Variants in AK5 observed in about 807,000 individuals in gnomAD.
The protein encoded by AK5 is adenylate kinase 5, also known as adenylate kinase isoenzyme 5.
In AK5, 27 loss-of-function variants were observed where a neutral mutation model predicts 69.5. The observed-to-expected ratio is 0.39, with a 90% CI of 0.29 to 0.54. The LOEUF (loss-of-function observed/expected upper bound fraction) is 0.54. AK5 is among the 20% of genes least tolerant of loss of function. The probability of loss-of-function intolerance (pLI) is 0.71; values close to 1 mark genes in which losing one functional copy is unlikely to be tolerated. For missense variants in AK5, 531 were observed against 700.4 expected, an observed-to-expected ratio of 0.76 and a Z score of 2.73; for synonymous variants, 260 against 244.4, an observed-to-expected ratio of 1.06 and a Z score of -0.60.
intron 5 of AK5, among the ~76,000 whole-genome samples, chr1:77,334,311 G>A (rs1373109334): frequency 6.6e-6 from 1 of 152,064 alleles, no homozygotes; most frequent in African/African-American, 2.4e-5. Context: ...TGAAAATTTA[G>A]CTGTCAGTCT....
intron 8 of AK5, among the ~76,000 whole-genome samples, chr1:77,451,561 G>A (rs922325601): frequency 5.3e-5 from 8 of 152,132 alleles, no homozygotes; most frequent in African/African-American, 1.9e-4. Flanking sequence ...AGTAAATAAG[G>A]ACCAAAGCGT....
intron 6 of AK5, among the ~76,000 whole-genome samples, chr1:77,351,530 C>G (rs1662199740): frequency 6.6e-6 from 1 of 152,212 alleles, no homozygotes; most frequent in Non-Finnish European, 1.5e-5. Context: ...ACCCAGGCCC[C>G]TTCTGTCTTT....
rs1284725850 is a variant in AK5, at chr1:77,367,489, TTTTG to T, written c.891+26929_891+26932del. 2.1e-4 allele frequency among the ~76,000 whole-genome samples: 30 copies of T among 140,524 alleles called. 1 individual carries two copies. Among genetic ancestry groups the T allele is most frequent in the Non-Finnish European group, 2.4e-4 (16 of 65,902 alleles). The allele number at this position is 140,524 out of a possible 152,430, so 92.2% of individuals were successfully genotyped here. On this transcript the variant is annotated intron_variant, in intron 6 of 13. Coordinates refer to ENST00000354567, the MANE Select transcript of AK5 (RefSeq NM_174858.3). ...GCACCACCACACCTGGCTAGTTTTT[TTTTG>T]TTTGTTTTGTTTTTTTGTAGAGACA...
At chr1:77,527,054 G>A (rs1322121836) in intron 12 of AK5, among the ~76,000 whole-genome samples, 2 of 152,026 alleles carry the variant, frequency 1.3e-5, no homozygotes, top group South Asian at 2.1e-4. Context: ...CATGTCACTC[G>A]TGTACTCTGG....
intron 7 of AK5, among the ~76,000 whole-genome samples, chr1:77,416,168 G>GA (rs1449318375): frequency 6.6e-6 from 1 of 151,530 alleles, no homozygotes; most frequent in Non-Finnish European, 1.5e-5. Flanking sequence ...TTATTTATTT[G>GA]AAAAAAATAC....
chr1:77,472,160 A>G (rs994833972), intron 8 of AK5, among the ~76,000 whole-genome samples: 1 of 152,366 alleles, frequency 6.6e-6, no homozygotes, highest in African/African-American at 2.4e-5. Context: ...GTCATAAACA[A>G]TTAAAAATGT....
intron 6 of AK5, among the ~76,000 whole-genome samples, chr1:77,366,841 C>T (rs1409529857): frequency 2.6e-5 from 4 of 151,894 alleles, no homozygotes; most frequent in Non-Finnish European, 5.9e-5. Context: ...TGGTAAATTA[C>T]TCAGTGACTT....
intron 6 of AK5, among the ~76,000 whole-genome samples, chr1:77,365,925 C>T (rs1646942015): frequency 6.6e-6 from 1 of 152,122 alleles, no homozygotes; most frequent in South Asian, 2.1e-4. Context: ...CTATATAATT[C>T]ATGTTTCTTT....
intron 6 of AK5, among the ~76,000 whole-genome samples, chr1:77,368,966 C>T (rs1188646095): frequency 6.6e-6 from 1 of 152,118 alleles, no homozygotes; most frequent in East Asian, 1.9e-4. Context: ...AAGTGGTGCT[C>T]ATTCATCCTT....
intron 6 of AK5, among the ~76,000 whole-genome samples, chr1:77,351,252 G>T (rs535859859): frequency 6.6e-6 from 1 of 152,106 alleles, no homozygotes; most frequent in African/African-American, 2.4e-5. Flanking sequence ...AAAATTAGTT[G>T]GGCATGGTGG....
At chr1:77,556,165 G>T (rs375429151) in intron 13 of AK5, among the ~76,000 whole-genome samples, 1 of 152,178 alleles carries the variant, frequency 6.6e-6, no homozygotes, top group Admixed American at 6.5e-5. Context: ...GGAATAAAAT[G>T]AACACTCATG....
rs368949003 is a variant in AK5 at position 77,296,535 on chromosome 1, A to G, written c.416-1024A>G. On this transcript the variant is annotated intron_variant, in intron 3 of 13. Coordinates refer to ENST00000354567, the MANE Select transcript of AK5 (RefSeq NM_174858.3). ...TCTTGAAAGTACAATAACATTCTCA[A>G]TGTGTCTGAATTTTTTAAATTAATG... is the stretch of plus-strand genomic sequence containing the variant. Among the ~76,000 whole-genome samples the G allele has an allele frequency of 3.0e-4, 45 of 152,204 alleles. No individual in the cohort carries two copies. In the East Asian group the frequency reaches 4.6e-3, roughly 16 times the overall value.
intron 12 of AK5, among the ~76,000 whole-genome samples, chr1:77,534,252 T>C (rs570750349): frequency 1.4e-4 from 22 of 152,280 alleles, no homozygotes; most frequent in Non-Finnish European, 2.9e-4. Context: ...GGGGGAGTAA[T>C]GGTTTCCTCT....
chr1:77,492,622 T>C (rs1431466105), intron 10 of AK5, among the ~76,000 whole-genome samples: 1 of 152,072 alleles, frequency 6.6e-6, no homozygotes, highest in East Asian at 1.9e-4. Context: ...ACCTCAAAAA[T>C]GTGAGGAAGA....
At chr1:77,441,764 G>C (rs1470268977) in intron 8 of AK5, among the ~76,000 whole-genome samples, 1 of 152,236 alleles carries the variant, frequency 6.6e-6, no homozygotes, top group Non-Finnish European at 1.5e-5. Context: ...AGCAATTGCA[G>C]TGGCACTGGT....
intron 6 of AK5, among the ~76,000 whole-genome samples, chr1:77,365,486 C>A (rs1646934846): frequency 6.6e-6 from 1 of 152,152 alleles, no homozygotes; most frequent in South Asian, 2.1e-4. Flanking sequence ...GGTCAGCAGT[C>A]CCCAACCTCT....
chr1:77,367,579 A>ATATATATATATATATATGAT (rs71075732), intron 6 of AK5, among the ~76,000 whole-genome samples: 6 of 53,392 alleles, frequency 1.1e-4, no homozygotes, highest in African/African-American at 6.4e-4. Flanking sequence ...ATATATATAT[A>ATATATATATATATATATGAT]ATATATATGT....
intron 8 of AK5, among the ~76,000 whole-genome samples, chr1:77,431,028 G>C (rs1032935842): frequency 1.3e-5 from 2 of 152,176 alleles, no homozygotes; most frequent in Non-Finnish European, 2.9e-5. Flanking sequence ...GAGACCAAAA[G>C]AGTCTCGTGT....
At chr1:77,424,522 A>G (rs2647515) in intron 8 of AK5, among the ~76,000 whole-genome samples, 140,558 of 152,296 alleles carry the variant, frequency 0.92, 64,997 homozygotes, top group East Asian at 0.97. Flanking sequence ...ATGATAATAA[A>G]TAGACAACAT....
Sources: allele counts gnomAD v4.1 joint callset (sites outside exome capture counted in the v4.1 genomes callset), GRCh38; gene constraint gnomAD v4.1.1; transcripts MANE v1.5; gene names NCBI Gene and HGNC (gene_info 2026-07-23, HGNC 2026-07-21).